CERS3: variants seen among roughly 807,000 people sequenced by gnomAD.
CERS3 encodes LAG1 homolog, ceramide synthase 3.
In CERS3, 33 loss-of-function variants were observed where a neutral mutation model predicts 50.3. That is an observed-to-expected ratio of 0.66 (90% CI 0.50 to 0.88). The LOEUF (loss-of-function observed/expected upper bound fraction) is 0.88. CERS3 is among the 40% of genes least tolerant of loss of function. The pLI is 0.00. For missense variants in CERS3, 470 were observed against 460.3 expected (o/e 1.02, Z -0.19); for synonymous variants, 176 against 155.2 (o/e 1.13, Z -0.99).
chr15:100,483,787 A>ATTATTATTATTTTTTTTT (rs760594142), intron 5 of CERS3, among the ~76,000 whole-genome samples: 32 of 100,016 alleles, frequency 3.2e-4, no homozygotes, highest in African/African-American at 1.2e-3. Flanking sequence ...TATTATTATT[A>ATTATTATTATTTTTTTTT]TTTTTTTTTT....
chr15:100,533,240 G>A (rs1371656137), upstream of CERS3, among the ~76,000 whole-genome samples: 18 of 152,088 alleles, frequency 1.2e-4, no homozygotes, highest in Admixed American at 1.1e-3. Context: ...TTTCCTCCAC[G>A]TCACCTGTCA....
chr15:100,427,697 T>C (rs908257449), intron 11 of CERS3, among the ~76,000 whole-genome samples: 16 of 152,356 alleles, frequency 1.1e-4, no homozygotes, highest in African/African-American at 3.8e-4. Context: ...TCCCAGACTC[T>C]GACTACAAAG....
At chr15:100,408,476 T>G (rs2031230438) in intron 11 of CERS3, 1 of 152,220 alleles carries the variant, frequency 6.6e-6, no homozygotes, top group Admixed American at 6.5e-5. Flanking sequence ...AATGCATATT[T>G]TATCAGAATT....
intron 1 of CERS3, among the ~76,000 whole-genome samples, chr15:100,527,327 G>C (rs2036823192): frequency 6.6e-6 from 1 of 152,136 alleles, no homozygotes; most frequent in Admixed American, 6.6e-5. Context: ...TCAGTGACTT[G>C]CCAGGGTCAT....
At position 100,402,036 on chromosome 15, in the gene CERS3, G is replaced by A. The variant is rs989808600; in HGVS notation, c.*677C>T. ...GGAATTTTTAAAGATTCTGCCTTTT[G>A]TTCAGGCCCATTGCAGTGCCATGTT... is the stretch of plus-strand genomic sequence containing the variant. On this transcript the variant is annotated 3_prime_UTR_variant, in exon 12 of 12. Coordinates refer to ENST00000679737, the MANE Select transcript of CERS3 (RefSeq NM_001378789.1). 3.5e-4 allele frequency: 53 copies of A among 152,228 alleles called. No homozygotes were observed. Among genetic ancestry groups the A allele is most frequent in the African/African-American group, 1.1e-3 (47 of 41,452 alleles). The allele number at this position is 152,228 out of a possible 1,614,324, so 9.4% of individuals were successfully genotyped here. A position where few individuals can be genotyped will look rare whatever the true frequency, so the allele number is the denominator to read the frequency against.
intron 11 of CERS3, among the ~76,000 whole-genome samples, chr15:100,412,096 C>A (rs1224966103): frequency 6.6e-6 from 1 of 152,082 alleles, no homozygotes; most frequent in Admixed American, 6.5e-5. Flanking sequence ...TCTTTTGATG[C>A]CCCAAAGTTT....
At chr15:100,456,972 C>T (rs563568741) in intron 10 of CERS3, among the ~76,000 whole-genome samples, 8 of 151,348 alleles carry the variant, frequency 5.3e-5, no homozygotes, top group Admixed American at 2.6e-4. Context: ...ATATTATTGC[C>T]ATATGAAGGG....
chr15:100,497,564 T>C (rs2035858413), intron 3 of CERS3, among the ~76,000 whole-genome samples: 1 of 139,496 alleles, frequency 7.2e-6, no homozygotes, highest in Admixed American at 7.3e-5. Flanking sequence ...ATGAAGAAAT[T>C]AGGAGGGGAA....
intron 2 of CERS3, among the ~76,000 whole-genome samples, chr15:100,502,745 C>T (rs1190197674): frequency 1.3e-5 from 2 of 151,964 alleles, no homozygotes; most frequent in Non-Finnish European, 2.9e-5. Context: ...GCCTTGAGGA[C>T]ATAATAGTCT....
At chr15:100,485,640 C>T (rs1411505359) in intron 4 of CERS3, among the ~76,000 whole-genome samples, 1 of 152,078 alleles carries the variant, frequency 6.6e-6, no homozygotes, top group Non-Finnish European at 1.5e-5. Flanking sequence ...CTTTGGGAGG[C>T]CGAGAAGGCG....
intron 10 of CERS3, among the ~76,000 whole-genome samples, chr15:100,457,643 TTA>T (rs1465295344): frequency 6.6e-6 from 1 of 152,240 alleles, no homozygotes; most frequent in East Asian, 1.9e-4. Flanking sequence ...ATGCAGATAT[TTA>T]TATGTGAACA....
chr15:100,434,054 A>G (rs561345745), intron 11 of CERS3, among the ~76,000 whole-genome samples: 2 of 152,224 alleles, frequency 1.3e-5, no homozygotes, highest in Non-Finnish European at 2.9e-5. Context: ...AGCTATGAGG[A>G]GTGGATCTGG....
chr15:100,486,976 GC>G (rs2035504153), intron 4 of CERS3, among the ~76,000 whole-genome samples: 1 of 152,054 alleles, frequency 6.6e-6, no homozygotes, highest in Non-Finnish European at 1.5e-5. Context: ...ATGAGTCGAA[GC>G]TTTTTTTTTC....
At chr15:100,425,309 A>G (rs1316200544) in intron 11 of CERS3, among the ~76,000 whole-genome samples, 1 of 152,196 alleles carries the variant, frequency 6.6e-6, no homozygotes, top group African/African-American at 2.4e-5. Flanking sequence ...CACCCGGAAA[A>G]GCCACAGGCA....
At chr15:100,435,229 T>C (rs1266236947) in intron 11 of CERS3, among the ~76,000 whole-genome samples, 1 of 152,234 alleles carries the variant, frequency 6.6e-6, no homozygotes, top group Non-Finnish European at 1.5e-5. Context: ...GCAAGAACTT[T>C]AGCACACTGG....
At chr15:100,504,719 C>T (rs989447785) in intron 2 of CERS3, among the ~76,000 whole-genome samples, 6 of 152,036 alleles carry the variant, frequency 3.9e-5, no homozygotes, top group African/African-American at 9.7e-5. Flanking sequence ...GGGGTGACCA[C>T]GGACTGCAGA....
chr15:100,441,850 T>A (rs1244558028), intron 11 of CERS3, among the ~76,000 whole-genome samples: 1 of 151,722 alleles, frequency 6.6e-6, no homozygotes, highest in Non-Finnish European at 1.5e-5. Context: ...CTTCCTTCTT[T>A]CCCTCCCGCC....
intron 4 of CERS3, among the ~76,000 whole-genome samples, chr15:100,487,878 G>A (rs1417430932): frequency 2.0e-5 from 3 of 152,108 alleles, no homozygotes; most frequent in Non-Finnish European, 2.9e-5. Flanking sequence ...ACAGTGCCAC[G>A]TTTTCTTCAG....
At position 100,461,510 on chromosome 15, in the gene CERS3, C is replaced by T. The variant is rs1054839625; in HGVS notation, c.846-5464G>A. On this transcript the variant is annotated intron_variant, in intron 10 of 11. Transcript: ENST00000679737. ...TCTTTTGTAAAATGAGAACACCACC[C>T]AGGTGGTTATGAGGATTCAATGAGT... is the stretch of plus-strand genomic sequence containing the variant. 5.3e-5 allele frequency among the ~76,000 whole-genome samples: 8 copies of T among 152,192 alleles called. 1 individual carries two copies. The highest frequency in any genetic ancestry group is 1.9e-4 in the African/African-American group (8 of 41,452).
Sources: gnomAD v4.1 joint callset for allele counts (sites outside exome capture counted in the v4.1 genomes callset) on GRCh38, gnomAD v4.1.1 for gene constraint, MANE v1.5 for transcripts, NCBI Gene and HGNC (gene_info 2026-07-23, HGNC 2026-07-21) for gene names.